The following RPS3 variants were observed in gnomAD, a reference collection of about 807,000 sequenced individuals.
RPS3 encodes the protein ribosomal protein S3, also known as small ribosomal subunit protein uS3.
A neutral mutation model predicts 25.8 loss-of-function variants in RPS3; 2 were observed. That is an observed-to-expected ratio of 0.08 (90% CI 0.03 to 0.24). The LOEUF (loss-of-function observed/expected upper bound fraction) is 0.24, where lower values mean the gene tolerates loss of function less well. RPS3 is among the 10% of genes least tolerant of loss of function. The probability of loss-of-function intolerance (pLI) is 1.00; values close to 1 mark genes in which losing one functional copy is unlikely to be tolerated. For missense variants in RPS3, 107 were observed against 307.1 expected, an observed-to-expected ratio of 0.35 and a Z score of 4.87; for synonymous variants, 114 against 114.2, an observed-to-expected ratio of 1.00 and a Z score of 0.01.
At chr11:75,400,864 A>C in intron 2 of RPS3, 40 bp downstream of exon 2, 1 of 1,592,254 alleles carries the variant, frequency 6.3e-7, no homozygotes, top group Non-Finnish European at 8.5e-7. Flanking sequence ...TAATTGTTAT[A>C]AATGCTAAGT....
At chr11:75,412,772 TTTTTA>T (rs1432794260) in intron 6 of RPS3, among the ~76,000 whole-genome samples, 1 of 152,208 alleles carries the variant, frequency 6.6e-6, no homozygotes, top group Non-Finnish European at 1.5e-5. Context: ...TGTGTTTTTA[TTTTTA>T]TTTTATTTAT....
chr11:75,405,436 G>C, intron 6 of RPS3, 178 bp from the exon 7 acceptor site: 2 of 340,988 alleles, frequency 5.9e-6, no homozygotes, highest in South Asian at 4.8e-5. Context: ...TTGTTTATAG[G>C]TGTTGTCTCT....
chr11:75,419,445 G>A (rs1274097715), intron 6 of RPS3, among the ~76,000 whole-genome samples: 2 of 151,610 alleles, frequency 1.3e-5, no homozygotes, highest in Non-Finnish European at 1.5e-5. Flanking sequence ...TCCCAGCTAC[G>A]AGGGAGGCCG....
rs1948258442 is a variant in RPS3, at chr11:75,404,648, G to A, written c.539-24G>A. On this transcript the variant is annotated intron_variant, in intron 5 of 6. Coordinates refer to ENST00000531188, the MANE Select transcript of RPS3 (RefSeq NM_001005.5). This position sits in a 1 kb window ranked among gnomAD's most constrained non-coding sequence, Gnocchi z 4.6. ...GGGGCCTTTGAGACCCCAGCTGTGT[G>A]CTAACAACTGTGGTGTCCTCTAGGT... The A allele has an allele frequency of 6.3e-7, 1 of 1,599,106 alleles. No homozygotes were observed.
Position 75,405,918 on chromosome 11 carries a change from G to C in RPS3, c.*308G>C, listed in dbSNP as rs937822361. 2 of 218,664 alleles carry C rather than the reference G, an allele frequency of 9.1e-6. No individual in the cohort carries two copies. Among genetic ancestry groups the C allele is most frequent in the African/African-American group, 4.6e-5 (2 of 43,360 alleles). 13.5% of individuals were successfully genotyped at this position (218,664 alleles called of 1,614,324 possible). On this transcript the variant is annotated 3_prime_UTR_variant, in exon 7 of 7. Coordinates refer to ENST00000531188, the MANE Select transcript of RPS3 (RefSeq NM_001005.5). ...GTAGTTCAGGATTGTAGGTTTAGAA[G>C]AGGGATATGTTTGAGTTTTTCCTAT...
intron 1 of RPS3, 102 bp from the exon 2 acceptor site, chr11:75,400,592 A>T: frequency 6.6e-7 from 1 of 1,516,314 alleles, no homozygotes; most frequent in Non-Finnish European, 9.1e-7. Context: ...GGAGGTATTT[A>T]GTTTTGGTGA....
chr11:75,412,703 C>A (rs1225295307), intron 6 of RPS3, among the ~76,000 whole-genome samples: 1 of 152,212 alleles, frequency 6.6e-6, no homozygotes, highest in East Asian at 1.9e-4. Context: ...CATTTTCTTT[C>A]TGTCAGGGCT....
Position 75,399,586 on chromosome 11 carries a change from C to T in RPS3, c.30+9C>T. 6.2e-7 allele frequency: 1 copy of T among 1,612,932 alleles called. No individual in the cohort carries two copies. Among genetic ancestry groups the T allele is most frequent in the Non-Finnish European group, 8.5e-7 (1 of 1,179,082 alleles). On this transcript the variant is annotated intron_variant, in intron 1 of 6. Coordinates refer to ENST00000531188, the MANE Select transcript of RPS3 (RefSeq NM_001005.5). Reference sequence around the variant, plus strand: ...TATCCAAGAAGAGGAAGGTGAGCCTCTGGGGACTGGGTTCGGAGAACGACG... The same window carrying T: ...TATCCAAGAAGAGGAAGGTGAGCCTTTGGGGACTGGGTTCGGAGAACGACG...
chr11:75,415,802 T>A, intron 6 of RPS3, among the ~76,000 whole-genome samples: 1 of 104,004 alleles, frequency 9.6e-6, no homozygotes, highest in African/African-American at 3.5e-5. Context: ...CGAGACTCCA[T>A]CTCAAAAAAA....
chr11:75,415,022 A>G (rs1430561122), intron 6 of RPS3, among the ~76,000 whole-genome samples: 1 of 152,212 alleles, frequency 6.6e-6, no homozygotes, highest in Non-Finnish European at 1.5e-5. Context: ...AATTTCAGCC[A>G]CAGACCCCAC....
chr11:75,409,384 C>A (rs12184448), downstream of RPS3, among the ~76,000 whole-genome samples: 16 of 135,240 alleles, frequency 1.2e-4, no homozygotes, highest in East Asian at 6.2e-4. Context: ...AGTGGTGATG[C>A]CTCTTAACGA....
At chr11:75,399,635 T>C in intron 1 of RPS3, 58 bp downstream of exon 1, 1 of 1,525,916 alleles carries the variant, frequency 6.6e-7, no homozygotes, top group Non-Finnish European at 9.1e-7. Context: ...CGAGGGCTTC[T>C]CGGGGTGCCA....
At position 75,404,899 on chromosome 11, in the gene RPS3, G is replaced by T; in HGVS notation, c.*3+31G>T. 1.4e-6 allele frequency: 2 copies of T among 1,435,732 alleles called. No homozygotes were observed. The highest frequency in any genetic ancestry group is 1.9e-6 in the Non-Finnish European group (2 of 1,051,630). 88.9% of individuals were successfully genotyped at this position (1,435,732 alleles called of 1,614,324 possible). On this transcript the variant is annotated intron_variant, in intron 6 of 6. Transcript: ENST00000531188. The surrounding 1 kb of genome is among the most constrained non-coding windows in gnomAD (Gnocchi z 4.6). ...TCTGCAAGGGCAGGGGCCTCTTGGG[G>T]CATAATAGGGTCCTTCCGAGTCTTT...
chr11:75,421,416 C>T (rs993687210), intron 6 of RPS3, among the ~76,000 whole-genome samples: 56 of 152,138 alleles, frequency 3.7e-4, no homozygotes, highest in African/African-American at 1.2e-3. Flanking sequence ...CTCCTCCAGG[C>T]CTCACAGCGA....
intron 6 of RPS3, among the ~76,000 whole-genome samples, chr11:75,416,436 C>T (rs1170638261): frequency 6.7e-6 from 1 of 149,130 alleles, no homozygotes; most frequent in Admixed American, 6.7e-5. Context: ...GTGCCTTGTT[C>T]CATTTTCCAT....
rs1342911486 is a variant in RPS3 at position 75,400,685 on chromosome 11, T to G, written c.31-9T>G. On this transcript the variant is annotated splice_polypyrimidine_tract_variant and intron_variant, in intron 1 of 6. Coordinates refer to ENST00000531188, the MANE Select transcript of RPS3 (RefSeq NM_001005.5). ...CTCCTAATTTTGAACTTTGCTTTGT[T>G]TGGATTAGTTTGTCGCTGATGGCAT... 3 of 1,610,612 alleles carry G rather than the reference T, an allele frequency of 1.9e-6. No homozygotes were observed. The highest frequency in any genetic ancestry group is 2.5e-6 in the Non-Finnish European group (3 of 1,177,726).
chr11:75,408,295 A>G (rs921403826), downstream of RPS3, among the ~76,000 whole-genome samples: 3 of 152,120 alleles, frequency 2.0e-5, no homozygotes, highest in African/African-American at 4.8e-5. Context: ...TTGAGCCCAG[A>G]AGTTCCAGGC....
In RPS3 at chr11:75,405,658, AAAG is replaced by A; in HGVS notation, c.*50_*52del. 1 of 456,174 alleles carries A rather than the reference AAAG, an allele frequency of 2.2e-6. No homozygotes were observed. The highest frequency in any genetic ancestry group is 4.4e-6 in the Non-Finnish European group (1 of 226,936). The allele number at this position is 456,174 out of a possible 1,614,324, so 28.3% of individuals were successfully genotyped here. On this transcript the variant is annotated 3_prime_UTR_variant, in exon 7 of 7. Transcript: ENST00000531188. ...TTCTGGAGTCTGGATGTTGCTCTCT[AAAG>A]ACCTTTAATAAAATTTTGTACAAAG...
intron 6 of RPS3, among the ~76,000 whole-genome samples, chr11:75,414,290 G>A (rs558451286): frequency 2.0e-5 from 3 of 152,240 alleles, no homozygotes; most frequent in Non-Finnish European, 2.9e-5. Flanking sequence ...GGAGACAAGG[G>A]CTGAAGCCTT....
Sources: gnomAD v4.1 joint callset for allele counts (sites outside exome capture counted in the v4.1 genomes callset) on GRCh38, gnomAD v4.1.1 for gene constraint, Gnocchi (gnomAD v3.1) non-coding constraint, MANE v1.5 for transcripts, NCBI Gene and HGNC (gene_info 2026-07-23, HGNC 2026-07-21) for gene names.